Variants in MEF2A observed in about 807,000 individuals in gnomAD.
MEF2A encodes the protein myocyte enhancer factor 2A.
A neutral mutation model predicts 55.8 loss-of-function variants in MEF2A; 28 were observed. The observed-to-expected ratio is 0.50, with a 90% confidence interval of 0.37 to 0.69. MEF2A has a LOEUF of 0.69. Among genes scored for constraint, MEF2A ranks in the 30% least tolerant of loss-of-function variants. MEF2A has a pLI of 0.00. For synonymous variants in MEF2A, 239 were observed against 227.1 expected (o/e 1.05, Z -0.47); for missense variants, 528 against 626.2 (o/e 0.84, Z 1.67).
intron 4 of MEF2A, among the ~76,000 whole-genome samples, chr15:99,666,340 CAGA>C (rs1185041726): frequency 1.3e-5 from 2 of 152,038 alleles, no homozygotes; most frequent in Non-Finnish European, 1.5e-5. Context: ...AACACAAAAA[CAGA>C]AAACTAAACA....
At chr15:99,602,653 GGTGTGT>G (rs773502316) in intron 2 of MEF2A, among the ~76,000 whole-genome samples, 470 of 44,848 alleles carry the variant, frequency 0.01, 19 homozygotes, top group Admixed American at 0.082. Flanking sequence ...ACATTCCTGG[GGTGTGT>G]GTGTGTGTGT....
chr15:99,697,870 A>C (rs2056736847), intron 8 of MEF2A, among the ~76,000 whole-genome samples: 1 of 152,246 alleles, frequency 6.6e-6, no homozygotes, highest in African/African-American at 2.4e-5. Context: ...TATTGACAAA[A>C]GGATGGGCAC....
chr15:99,600,691 C>T (rs1972674415), intron 2 of MEF2A, among the ~76,000 whole-genome samples: 1 of 152,002 alleles, frequency 6.6e-6, no homozygotes, highest in Non-Finnish European at 1.5e-5. Context: ...ATCATGGCAC[C>T]ATTGTTGAAC....
At chr15:99,692,287 C>G (rs533063849) in intron 8 of MEF2A, among the ~76,000 whole-genome samples, 51 of 152,196 alleles carry the variant, frequency 3.4e-4, no homozygotes, top group African/African-American at 1.0e-3. Flanking sequence ...AGAGCTAGGA[C>G]CAAATCTCTA....
At chr15:99,695,377 G>C (rs986815160) in intron 8 of MEF2A, among the ~76,000 whole-genome samples, 3 of 152,084 alleles carry the variant, frequency 2.0e-5, no homozygotes, top group African/African-American at 2.4e-5. Flanking sequence ...GTATAAATAA[G>C]TCAGTAGAAG....
intron 3 of MEF2A, among the ~76,000 whole-genome samples, chr15:99,634,301 A>C (rs967097948): frequency 3.3e-5 from 5 of 152,202 alleles, no homozygotes; most frequent in African/African-American, 1.2e-4. Context: ...TCAACTCATG[A>C]AGATTGTTCA....
At position 99,713,194 on chromosome 15, in the gene MEF2A, G is replaced by T; in HGVS notation, c.*423G>T. 1 of 407,264 alleles carries T rather than the reference G, an allele frequency of 2.5e-6. No homozygotes were observed. Among genetic ancestry groups the T allele is most frequent in the Non-Finnish European group, 4.3e-6 (1 of 230,774 alleles). The allele number at this position is 407,264 out of a possible 1,614,324, so 25.2% of individuals were successfully genotyped here. A position where few individuals can be genotyped will look rare whatever the true frequency, so the allele number is the denominator to read the frequency against. ...TGACTGTAGTTACTTAAGAGAAAAT[G>T]CTTTGTAGAACAGAGCAGTAGAAAA... On this transcript the variant is annotated 3_prime_UTR_variant, in exon 12 of 12. Transcript: ENST00000557942.
chr15:99,579,942 C>T (rs1965437497), intron 1 of MEF2A, among the ~76,000 whole-genome samples: 1 of 152,052 alleles, frequency 6.6e-6, no homozygotes, highest in Non-Finnish European at 1.5e-5. Flanking sequence ...CCCATTTTTG[C>T]CTGCTGCCAG....
chr15:99,623,191 A>G (rs1567248062), intron 2 of MEF2A, among the ~76,000 whole-genome samples: 1 of 151,968 alleles, frequency 6.6e-6, no homozygotes, highest in African/African-American at 2.4e-5. Flanking sequence ...TATTTCCCTT[A>G]CCTAATGTCT....
At chr15:99,685,132 C>T (rs750568625) in intron 7 of MEF2A, among the ~76,000 whole-genome samples, 5 of 152,102 alleles carry the variant, frequency 3.3e-5, no homozygotes, top group Non-Finnish European at 7.4e-5. Context: ...AATGTGATGC[C>T]TCCAGATTTG....
chr15:99,613,017 G>T (rs183248427), intron 2 of MEF2A, among the ~76,000 whole-genome samples: 2 of 152,078 alleles, frequency 1.3e-5, no homozygotes, highest in Non-Finnish European at 2.9e-5. Context: ...TGTATAAATT[G>T]CAGTGCGTAG....
At chr15:99,649,134 C>G (rs753723066) in intron 4 of MEF2A, among the ~76,000 whole-genome samples, 7 of 151,806 alleles carry the variant, frequency 4.6e-5, no homozygotes, top group Admixed American at 2.0e-4. Context: ...TTAAAAAATT[C>G]TATACAGGTT....
At chr15:99,685,497 T>G (rs2153695293) in intron 7 of MEF2A, among the ~76,000 whole-genome samples, 1 of 152,138 alleles carries the variant, frequency 6.6e-6, no homozygotes, top group Admixed American at 6.6e-5. Context: ...CTCAGCTTGG[T>G]CATTGTTGGT....
intron 2 of MEF2A, among the ~76,000 whole-genome samples, chr15:99,617,298 AG>A (rs1306481928): frequency 6.6e-6 from 1 of 151,610 alleles, no homozygotes; most frequent in Non-Finnish European, 1.5e-5. Context: ...TTTATTTGTA[AG>A]GTATCTTTGC....
chr15:99,695,541 T>TTGTGTGTGTGTGTGTGTGTGTGTGTGTG lies in MEF2A; in HGVS notation c.858+5115_858+5142dup, dbSNP rs3979129. 3.0e-3 allele frequency among the ~76,000 whole-genome samples: 435 copies of TTGTGTGTGTGTGTGTGTGTGTGTGTGTG among 144,854 alleles called. 1 individual carries two copies. The highest frequency in any genetic ancestry group is 6.4e-3 in the East Asian group (31 of 4,826). On this transcript the variant is annotated intron_variant, in intron 8 of 11. Transcript: ENST00000557942. ...AGCGTCAGTTAAAAGATTGTCAGAT[T>TTGTGTGTGTGTGTGTGTGTGTGTGTGTG]TGTGTGTGTGTGTGTGTGTGTGTGT...
At chr15:99,681,771 A>G (rs1234929402) in intron 7 of MEF2A, 5 of 152,142 alleles carry the variant, frequency 3.3e-5, no homozygotes, top group Non-Finnish European at 7.4e-5. Context: ...TGTGATCTTT[A>G]TTATTTTATT....
intron 4 of MEF2A, among the ~76,000 whole-genome samples, chr15:99,647,304 C>T (rs1163534952): frequency 6.6e-6 from 1 of 152,078 alleles, no homozygotes; most frequent in African/African-American, 2.4e-5. Context: ...AAAATAGCTT[C>T]TTATCTTATA....
At chr15:99,704,044 A>G (rs913135235) in intron 9 of MEF2A, among the ~76,000 whole-genome samples, 8 of 152,180 alleles carry the variant, frequency 5.3e-5, no homozygotes, top group East Asian at 3.9e-4. Context: ...CAGTTGATCT[A>G]TTTCTTCTTT....
At chr15:99,644,973 T>C (rs572234752) in intron 3 of MEF2A, among the ~76,000 whole-genome samples, 12 of 152,188 alleles carry the variant, frequency 7.9e-5, no homozygotes, top group Non-Finnish European at 1.3e-4. Context: ...TCAGTCAATA[T>C]AAAGGGTGTA....
Sources: allele counts gnomAD v4.1 joint callset (sites outside exome capture counted in the v4.1 genomes callset), GRCh38; gene constraint gnomAD v4.1.1; transcripts MANE v1.5; gene names NCBI Gene and HGNC (gene_info 2026-07-23, HGNC 2026-07-21).